ARHGAP28: variants seen among roughly 807,000 people sequenced by gnomAD.
ARHGAP28 encodes the protein rho GTPase-activating protein 28.
A neutral mutation model predicts 90.7 loss-of-function variants in ARHGAP28; 56 were observed. The observed-to-expected ratio is 0.62, with a 90% CI of 0.50 to 0.77. ARHGAP28 has a LOEUF of 0.77. Among genes scored for constraint, ARHGAP28 ranks in the 30% least tolerant of loss-of-function variants. The pLI is 0.00. For synonymous variants in ARHGAP28, 308 were observed against 323.3 expected (o/e 0.95, Z 0.51); for missense variants, 869 against 900.9 (o/e 0.96, Z 0.45).
chr18:6,870,817 T>G, intron 7 of ARHGAP28, 85 bp downstream of exon 7: 1 of 1,358,908 alleles, frequency 7.4e-7, no homozygotes, highest in Non-Finnish European at 1.0e-6. Flanking sequence ...TTTTTTTTTT[T>G]GAGACGGAGT....
intron 16 of ARHGAP28, among the ~76,000 whole-genome samples, chr18:6,900,399 C>A (rs887278163): frequency 6.6e-6 from 1 of 152,146 alleles, no homozygotes; most frequent in African/African-American, 2.4e-5. Context: ...AGTACCTCCA[C>A]AAGCAATTGT....
intron 2 of ARHGAP28, 21 bp from the exon 3 acceptor site, chr18:6,837,176 C>T: frequency 6.6e-7 from 1 of 1,524,344 alleles, no homozygotes; most frequent in African/African-American, 1.4e-5. Flanking sequence ...CTAACCCTCT[C>T]TTGGTAATGT....
chr18:6,797,932 T>C (rs1003680237), intron 1 of ARHGAP28, among the ~76,000 whole-genome samples: 1 of 152,194 alleles, frequency 6.6e-6, no homozygotes, highest in African/African-American at 2.4e-5. Context: ...AGTGCTGGGA[T>C]TACAGGCATG....
chr18:6,830,146 A>AT (rs1382979000), intron 2 of ARHGAP28, among the ~76,000 whole-genome samples: 6 of 151,908 alleles, frequency 3.9e-5, no homozygotes, highest in South Asian at 2.1e-4. Context: ...CCTCATCTCA[A>AT]TTTTTTTCAC....
chr18:6,811,767 C>A (rs2056558757), intron 1 of ARHGAP28, among the ~76,000 whole-genome samples: 2 of 151,706 alleles, frequency 1.3e-5, no homozygotes, highest in Admixed American at 1.3e-4. Flanking sequence ...ACCAGAAAAT[C>A]TTTTGTAAAA....
chr18:6,777,932 A>T (rs2056297792), intron 1 of ARHGAP28, among the ~76,000 whole-genome samples: 1 of 152,138 alleles, frequency 6.6e-6, no homozygotes, highest in South Asian at 2.1e-4. Flanking sequence ...CATTTTTCCG[A>T]TCTGGTGGCT....
At chr18:6,850,778 A>G in intron 3 of ARHGAP28, 2 of 1,510,610 alleles carry the variant, frequency 1.3e-6, no homozygotes, top group Non-Finnish European at 1.8e-6. Flanking sequence ...AAAGAAAAGA[A>G]AGTGGGTTTT....
intron 16 of ARHGAP28, among the ~76,000 whole-genome samples, chr18:6,903,826 C>CAAAAAAAAAAAAAAAA (rs35606759): frequency 1.2e-5 from 1 of 84,058 alleles, no homozygotes; most frequent in Non-Finnish European, 2.1e-5. Context: ...GACTCCATCT[C>CAAAAAAAAAAAAAAAA]AAAAAAAAAA....
At chr18:6,770,875 G>A (rs2116252) in intron 1 of ARHGAP28, among the ~76,000 whole-genome samples, 65,161 of 151,766 alleles carry the variant, frequency 0.43, 15,135 homozygotes, top group East Asian at 0.85. Flanking sequence ...AAGTCAGTCA[G>A]TTTTGTTTTT....
chr18:6,867,297 A>T (rs182451039), intron 5 of ARHGAP28, among the ~76,000 whole-genome samples: 1 of 152,340 alleles, frequency 6.6e-6, no homozygotes, highest in East Asian at 1.9e-4. Flanking sequence ...TTGCTAAAGA[A>T]ATATGAGAAT....
chr18:6,864,525 A>T (rs1224110370), intron 5 of ARHGAP28, among the ~76,000 whole-genome samples: 1 of 152,232 alleles, frequency 6.6e-6, no homozygotes, highest in African/African-American at 2.4e-5. Flanking sequence ...ATATACATGC[A>T]TACACATACA....
intron 4 of ARHGAP28, among the ~76,000 whole-genome samples, chr18:6,853,266 G>T (rs941696012): frequency 2.3e-4 from 35 of 152,118 alleles, no homozygotes; most frequent in Non-Finnish European, 5.9e-5. Context: ...TTCAGGCCAC[G>T]ATGGAAGAGG....
intron 1 of ARHGAP28, among the ~76,000 whole-genome samples, chr18:6,815,436 CAG>C (rs2056583734): frequency 6.6e-6 from 1 of 152,046 alleles, no homozygotes; most frequent in Non-Finnish European, 1.5e-5. Flanking sequence ...AAAATAAAAG[CAG>C]GGGTAATTCT....
intron 1 of ARHGAP28, among the ~76,000 whole-genome samples, chr18:6,776,956 G>T (rs918142265): frequency 1.3e-5 from 2 of 152,148 alleles, no homozygotes; most frequent in Non-Finnish European, 1.5e-5. Context: ...AGCTGAGGCA[G>T]GTTATGAAGA....
chr18:6,743,080 A>G (rs1012605776), intron 1 of ARHGAP28, among the ~76,000 whole-genome samples: 13 of 152,198 alleles, frequency 8.5e-5, no homozygotes, highest in African/African-American at 2.7e-4. Context: ...GAAAGTAGAT[A>G]TGATTCCTTC....
At chr18:6,811,336 G>A (rs947439693) in intron 1 of ARHGAP28, among the ~76,000 whole-genome samples, 3 of 152,152 alleles carry the variant, frequency 2.0e-5, no homozygotes, top group Non-Finnish European at 2.9e-5. Context: ...AGACTGGAGA[G>A]AAGAAAAGGC....
chr18:6,847,974 G>A (rs969078628), intron 3 of ARHGAP28, among the ~76,000 whole-genome samples: 2 of 152,098 alleles, frequency 1.3e-5, no homozygotes, highest in African/African-American at 4.8e-5. Context: ...GCAACAAACT[G>A]TTTCTACCAG....
intron 1 of ARHGAP28, among the ~76,000 whole-genome samples, chr18:6,821,530 C>G (rs966777635): frequency 6.6e-6 from 1 of 152,146 alleles, no homozygotes; most frequent in Non-Finnish European, 1.5e-5. Context: ...GTCAAAATTA[C>G]GTAATGTTTC....
intron 1 of ARHGAP28, among the ~76,000 whole-genome samples, chr18:6,816,522 GTGCTGCC>G (rs2056591707): frequency 6.6e-6 from 1 of 152,130 alleles, no homozygotes; most frequent in African/African-American, 2.4e-5. Flanking sequence ...TGTCCACACT[GTGCTGCC>G]ACCAGCATCA....
Sources: allele counts gnomAD v4.1 joint callset (sites outside exome capture counted in the v4.1 genomes callset), GRCh38; gene constraint gnomAD v4.1.1; transcripts MANE v1.5; gene names NCBI Gene and HGNC (gene_info 2026-07-23, HGNC 2026-07-21).